Variants in TTC23L observed in about 807,000 individuals in gnomAD.
TTC23L encodes tetratricopeptide repeat domain 23 like, also known as tetratricopeptide repeat protein 23-like.
A neutral mutation model predicts 48.1 loss-of-function variants in TTC23L; 42 were observed. The ratio of observed to expected loss-of-function variants is 0.87; its 90% CI spans 0.68 to 1.13. The LOEUF is 1.13. Among genes scored for constraint, TTC23L ranks in the 50% most tolerant of loss-of-function variants. TTC23L has a pLI of 0.00. For synonymous variants in TTC23L, 159 were observed against 157.2 expected (o/e 1.01, Z -0.09); for missense variants, 391 against 421.0 (o/e 0.93, Z 0.62).
At chr5:34,848,882 G>A (rs781134753) in intron 3 of TTC23L, among the ~76,000 whole-genome samples, 2 of 152,182 alleles carry the variant, frequency 1.3e-5, no homozygotes, top group Admixed American at 6.5e-5. Context: ...AAGAAAAAGC[G>A]GGAAGCTGTT....
chr5:34,847,439 A>T (rs1197732098), intron 3 of TTC23L, among the ~76,000 whole-genome samples: 2 of 152,008 alleles, frequency 1.3e-5, no homozygotes, highest in Non-Finnish European at 2.9e-5. Context: ...TAAAGTGAAC[A>T]GGTGCAGTTC....
chr5:34,847,540 G>C (rs1042516110), intron 3 of TTC23L, among the ~76,000 whole-genome samples: 1 of 151,360 alleles, frequency 6.6e-6, no homozygotes, highest in Admixed American at 6.6e-5. Flanking sequence ...GAAGGGCAGG[G>C]GATGCCACAT....
chr5:34,890,877 T>C (rs1762828643), intron 9 of TTC23L, among the ~76,000 whole-genome samples: 1 of 152,180 alleles, frequency 6.6e-6, no homozygotes, highest in Admixed American at 6.5e-5. Context: ...GCTGGGATTA[T>C]AGGCATCTGC....
chr5:34,845,601 CTG>C lies in TTC23L; in HGVS notation c.185_186del (p.Cys62TyrfsTer20). The C allele has an allele frequency of 6.2e-7, 1 of 1,613,996 alleles. No homozygotes were observed. Among genetic ancestry groups the C allele is most frequent in the East Asian group, 2.2e-5 (1 of 44,884 alleles). ...CTAAAGAGAAGGAGAAGGCCATAGACTGTATGTCTCATCCCAAAGAGAAATTA... is the reference window on the plus strand; with the variant it reads ...CTAAAGAGAAGGAGAAGGCCATAGACTATGTCTCATCCCAAAGAGAAATTA... On this transcript the variant is annotated frameshift_variant, in exon 3 of 11. Coordinates refer to ENST00000505624, the Ensembl canonical transcript of TTC23L. LOFTEE classifies it high-confidence loss of function.
At chr5:34,854,806 T>TA (rs1759986634) in intron 4 of TTC23L, among the ~76,000 whole-genome samples, 1 of 152,134 alleles carries the variant, frequency 6.6e-6, no homozygotes, top group Non-Finnish European at 1.5e-5. Flanking sequence ...AAATGTAACA[T>TA]AAAGAAGCCC....
At chr5:34,909,681 T>C in the TTC23L span, among the ~76,000 whole-genome samples, 2 of 152,214 alleles carry the variant, frequency 1.3e-5, no homozygotes, top group East Asian at 3.8e-4. Flanking sequence ...TGAGGACTCA[T>C]GGAAGACCTT....
chr5:34,898,957 G>C (rs113159200), intron 10 of TTC23L, among the ~76,000 whole-genome samples: 5 of 152,200 alleles, frequency 3.3e-5, no homozygotes, highest in African/African-American at 1.2e-4. Context: ...ACATCTCAAC[G>C]GCTAGAAACA....
chr5:34,903,536 G>C (rs1018010810), downstream of TTC23L, among the ~76,000 whole-genome samples: 1 of 152,076 alleles, frequency 6.6e-6, no homozygotes, highest in African/African-American at 2.4e-5. Flanking sequence ...TATACATTCT[G>C]TGGGTTTGGA....
At chr5:34,915,530 C>T in the TTC23L span, 1 of 543,266 alleles carries the variant, frequency 1.8e-6, no homozygotes, top group Non-Finnish European at 3.1e-6. Flanking sequence ...ACTCTTCAGA[C>T]CGGCCCTCCA....
At chr5:34,884,487 T>C (rs1467495855) in intron 9 of TTC23L, among the ~76,000 whole-genome samples, 2 of 151,730 alleles carry the variant, frequency 1.3e-5, no homozygotes, top group Non-Finnish European at 2.9e-5. Flanking sequence ...GTTTGCAGAA[T>C]GACATGATGT....
intron 2 of TTC23L, among the ~76,000 whole-genome samples, chr5:34,845,064 TAGA>T (rs1180562950): frequency 2.6e-5 from 4 of 152,228 alleles, no homozygotes; most frequent in South Asian, 2.1e-4. Context: ...CCCTCATTTG[TAGA>T]AGAAGAAGCC....
At chr5:34,846,535 G>A (rs1404511654) in intron 3 of TTC23L, among the ~76,000 whole-genome samples, 17 of 126,274 alleles carry the variant, frequency 1.3e-4, no homozygotes, top group African/African-American at 4.5e-4. Flanking sequence ...ACTCCAGCCC[G>A]GGCCGACAAC....
chr5:34,908,142 G>A, the TTC23L span: 2 of 149,846 alleles, frequency 1.3e-5, no homozygotes, highest in Non-Finnish European at 3.0e-5. Flanking sequence ...ATCATTTCAG[G>A]TAGCTGCATC....
At chr5:34,922,961 C>A in the TTC23L span, 2 of 1,353,166 alleles carry the variant, frequency 1.5e-6, no homozygotes, top group Non-Finnish European at 2.1e-6. Flanking sequence ...TTAAACAAGG[C>A]AGTCTACTGT....
the TTC23L span, chr5:34,905,268 G>A: frequency 6.6e-6 from 1 of 152,146 alleles, no homozygotes; most frequent in Admixed American, 6.5e-5. Flanking sequence ...GATTTCTCAG[G>A]ACCCAATAGA....
At chr5:34,919,810 ACTTG>A in the TTC23L span, 5 of 756,478 alleles carry the variant, frequency 6.6e-6, no homozygotes, top group African/African-American at 1.8e-5. Flanking sequence ...CCTTTAATTT[ACTTG>A]CTTTTTCTTT....
At chr5:34,920,265 A>G in the TTC23L span, 2 of 153,670 alleles carry the variant, frequency 1.3e-5, no homozygotes, top group South Asian at 4.1e-4. Context: ...GTGTTTTGCC[A>G]GTATTAAAAG....
At chr5:34,925,567 TA>T in the TTC23L span, 1 of 1,260,202 alleles carries the variant, frequency 7.9e-7, no homozygotes, top group Non-Finnish European at 1.1e-6. Context: ...ATACTTTTAT[TA>T]TCTAATACTA....
chr5:34,903,082 C>G (rs1446660094), downstream of TTC23L, among the ~76,000 whole-genome samples: 2 of 151,974 alleles, frequency 1.3e-5, no homozygotes, highest in African/African-American at 2.4e-5. Context: ...AAACCTATAT[C>G]AATAAACAGT....
Sources: gnomAD v4.1 joint callset for allele counts (sites outside exome capture counted in the v4.1 genomes callset) on GRCh38, gnomAD v4.1.1 for gene constraint, MANE v1.5 for transcripts, NCBI Gene and HGNC (gene_info 2026-07-23, HGNC 2026-07-21) for gene names.